The following TNNI3K variants were observed in gnomAD, a reference collection of about 807,000 sequenced individuals.
TNNI3K encodes the protein TNNI3 interacting kinase.
TNNI3K carries 140 observed loss-of-function variants against 114.5 expected under a neutral mutation model. The ratio of observed to expected loss-of-function variants is 1.22; its 90% confidence interval spans 1.07 to 1.41. The LOEUF (loss-of-function observed/expected upper bound fraction) is 1.41. TNNI3K is among the 40% of genes most tolerant of loss of function. The pLI, the probability that TNNI3K is intolerant of heterozygous loss-of-function variation, is 0.00. For synonymous variants in TNNI3K, 347 were observed against 347.5 expected, an observed-to-expected ratio of 1.00 and a Z score of 0.02; for missense variants, 1,125 against 1,007.6, an observed-to-expected ratio of 1.12 and a Z score of -1.58.
intron 5 of TNNI3K, among the ~76,000 whole-genome samples, chr1:74,295,578 G>A (rs1657930236): frequency 6.6e-6 from 1 of 151,902 alleles, no homozygotes; most frequent in African/African-American, 2.4e-5. Flanking sequence ...TTGATTAAAT[G>A]GCTCCTTTTA....
chr1:74,542,623 T>C (rs1046968106), intron 24 of TNNI3K, among the ~76,000 whole-genome samples: 1 of 152,194 alleles, frequency 6.6e-6, no homozygotes, highest in Non-Finnish European at 1.5e-5. Context: ...ACCTAAGATA[T>C]TTTGACAAGA....
At chr1:74,295,168 G>A (rs1657904408) in intron 5 of TNNI3K, among the ~76,000 whole-genome samples, 1 of 17,248 alleles carries the variant, frequency 5.8e-5, no homozygotes, top group Non-Finnish European at 1.2e-4. Context: ...CATTTTGACA[G>A]TTACTAATTA....
intron 21 of TNNI3K, chr1:74,471,937 T>G (rs1446639739): frequency 3.8e-6 from 2 of 522,918 alleles, no homozygotes; most frequent in Non-Finnish European, 6.8e-6. Context: ...ATACCTAGGT[T>G]TGCTCTGTTT....
At chr1:74,377,699 AC>A (rs1662976839) in intron 17 of TNNI3K, among the ~76,000 whole-genome samples, 1 of 151,984 alleles carries the variant, frequency 6.6e-6, no homozygotes, top group African/African-American at 2.4e-5. Context: ...TGATATTAAA[AC>A]TTTTATTTCT....
chr1:74,533,859 CA>C (rs1367631172), intron 23 of TNNI3K, among the ~76,000 whole-genome samples: 7 of 152,124 alleles, frequency 4.6e-5, no homozygotes, highest in African/African-American at 1.4e-4. Context: ...GGGAATTGAA[CA>C]ATGAGAAGAC....
At chr1:74,463,235 A>G (rs181498207) in intron 20 of TNNI3K, among the ~76,000 whole-genome samples, 2 of 152,352 alleles carry the variant, frequency 1.3e-5, no homozygotes, top group Admixed American at 1.3e-4. Flanking sequence ...TGAGTCTGAA[A>G]CCAAATGAAT....
intron 17 of TNNI3K, among the ~76,000 whole-genome samples, chr1:74,431,027 A>T (rs564499361): frequency 6.6e-6 from 1 of 152,152 alleles, no homozygotes; most frequent in African/African-American, 2.4e-5. Context: ...ACAAAAGTGC[A>T]TTTGCACTTA....
intron 21 of TNNI3K, chr1:74,480,854 C>T (rs1009045368): frequency 8.4e-6 from 6 of 717,362 alleles, no homozygotes; most frequent in Admixed American, 8.0e-5. Flanking sequence ...ATCCTCGATA[C>T]CATTTCTGCT....
chr1:74,523,504 G>A (rs995365931), intron 23 of TNNI3K, among the ~76,000 whole-genome samples: 4 of 133,464 alleles, frequency 3.0e-5, no homozygotes, highest in Non-Finnish European at 6.6e-5. Flanking sequence ...AAGAGAAAGA[G>A]ACTCACTTAA....
intron 23 of TNNI3K, among the ~76,000 whole-genome samples, chr1:74,509,349 A>G (rs1183191240): frequency 6.6e-6 from 1 of 152,210 alleles, no homozygotes; most frequent in Non-Finnish European, 1.5e-5. Flanking sequence ...ATTTTTCTCT[A>G]TAATCCCTGA....
intron 5 of TNNI3K, among the ~76,000 whole-genome samples, chr1:74,295,975 T>C (rs2100302820): frequency 6.6e-6 from 1 of 152,276 alleles, no homozygotes; most frequent in South Asian, 2.1e-4. Flanking sequence ...CTGTGCATTC[T>C]TTACTCATTA....
At chr1:74,466,156 C>T (rs1480963354) in intron 21 of TNNI3K, among the ~76,000 whole-genome samples, 64 of 152,198 alleles carry the variant, frequency 4.2e-4, no homozygotes, top group Non-Finnish European at 3.8e-4. Context: ...ACTCCGGACA[C>T]GCCATCTTTA....
At chr1:74,468,474 G>C (rs1329508558) in intron 21 of TNNI3K, 4 of 152,058 alleles carry the variant, frequency 2.6e-5, no homozygotes. Flanking sequence ...CAGAGATAAT[G>C]AACAGAAATA....
intron 21 of TNNI3K, among the ~76,000 whole-genome samples, chr1:74,475,082 C>G (rs1484933623): frequency 1.4e-5 from 2 of 147,426 alleles, no homozygotes; most frequent in Non-Finnish European, 3.0e-5. Context: ...ACTGTCAGCT[C>G]CTAAAAGTAA....
chr1:74,271,251 A>G (rs1656327934), intron 4 of TNNI3K, among the ~76,000 whole-genome samples: 1 of 151,838 alleles, frequency 6.6e-6, no homozygotes, highest in African/African-American at 2.4e-5. Context: ...TCCTGACCTC[A>G]CTGGGAGTTA....
intron 23 of TNNI3K, among the ~76,000 whole-genome samples, chr1:74,516,425 G>A (rs11210472): frequency 0.06 from 9,206 of 152,186 alleles, 514 homozygotes; most frequent in African/African-American, 0.15. Context: ...TATCAAATCC[G>A]TACAATACAA....
chr1:74,309,297 G>A (rs1254528796), intron 5 of TNNI3K, among the ~76,000 whole-genome samples: 12 of 136,736 alleles, frequency 8.8e-5, no homozygotes. Flanking sequence ...GAACCCCAGG[G>A]GGCGGAGCCT....
At chr1:74,289,092 T>G (rs904684100) in intron 5 of TNNI3K, among the ~76,000 whole-genome samples, 1 of 151,828 alleles carries the variant, frequency 6.6e-6, no homozygotes, top group African/African-American at 2.4e-5. Context: ...AAAAATCAAT[T>G]ATTTTTACAT....
intron 21 of TNNI3K, among the ~76,000 whole-genome samples, chr1:74,477,737 G>C (rs1668276448): frequency 6.6e-6 from 1 of 152,118 alleles, no homozygotes; most frequent in Non-Finnish European, 1.5e-5. Context: ...CTTTCCATTA[G>C]TGCAGAAAGC....
Sources: allele counts gnomAD v4.1 joint callset (sites outside exome capture counted in the v4.1 genomes callset), GRCh38; gene constraint gnomAD v4.1.1; transcripts MANE v1.5; gene names NCBI Gene and HGNC (gene_info 2026-07-23, HGNC 2026-07-21).